Variants in ZFHX4 observed in about 807,000 individuals in gnomAD.
ZFHX4 encodes the protein zinc finger homeobox protein 4.
A neutral mutation model predicts 267.6 loss-of-function variants in ZFHX4; 56 were observed. That is an observed-to-expected ratio of 0.21 (90% confidence interval 0.17 to 0.26). The LOEUF is 0.26. Among genes scored for constraint, ZFHX4 ranks in the 10% least tolerant of loss-of-function variants. The pLI is 1.00. For synonymous variants in ZFHX4, 1,778 were observed against 1,665.6 expected (o/e 1.07, Z -1.64); for missense variants, 4,332 against 4,420.0 (o/e 0.98, Z 0.56).
At chr8:76,725,212 TA>T (rs539380578) in intron 3 of ZFHX4, among the ~76,000 whole-genome samples, 13 of 152,050 alleles carry the variant, frequency 8.5e-5, no homozygotes, top group Non-Finnish European at 1.8e-4. Context: ...AACAAGCAAA[TA>T]AATATGGTAC....
intron 5 of ZFHX4, among the ~76,000 whole-genome samples, chr8:76,838,246 C>T (rs565021622): frequency 2.0e-5 from 3 of 152,142 alleles, no homozygotes; most frequent in Admixed American, 6.5e-5. Context: ...GAGGCAAATT[C>T]TCAGGTTCAG....
chr8:76,688,711 T>C (rs1807752566), intron 1 of ZFHX4, among the ~76,000 whole-genome samples: 1 of 152,138 alleles, frequency 6.6e-6, no homozygotes, highest in Admixed American at 6.6e-5. Context: ...TTTGTACCTA[T>C]GTAAATCAAA....
chr8:76,809,515 TG>T (rs1166136346), intron 4 of ZFHX4, among the ~76,000 whole-genome samples: 4 of 152,348 alleles, frequency 2.6e-5, no homozygotes, highest in Non-Finnish European at 5.9e-5. Flanking sequence ...CGAAGGTACT[TG>T]TAGCTTTCCT....
rs565385795 is a variant in ZFHX4 at position 76,828,025 on chromosome 8, G to A, written c.3326-5313G>A. On this transcript the variant is annotated intron_variant, in intron 4 of 10. Transcript: ENST00000651372. ...ATATGGTAGCATGCTGAGTTGCTCAGCTTTTTAGAAGAGCAGTCTTTGTAT... is the reference window on the plus strand; with the variant it reads ...ATATGGTAGCATGCTGAGTTGCTCAACTTTTTAGAAGAGCAGTCTTTGTAT... Among the ~76,000 whole-genome samples, 38 of 152,332 alleles carry A rather than the reference G, an allele frequency of 2.5e-4. 2 individuals carry two copies. The South Asian group carries it at 7.9e-3, about 32-fold the overall frequency.
At chr8:76,774,036 G>T (rs1385738314) in intron 3 of ZFHX4, among the ~76,000 whole-genome samples, 1 of 152,062 alleles carries the variant, frequency 6.6e-6, no homozygotes, top group Non-Finnish European at 1.5e-5. Flanking sequence ...GGTTGTTTTA[G>T]CTTTCCCTGG....
At chr8:76,812,473 T>C (rs1811401891) in intron 4 of ZFHX4, among the ~76,000 whole-genome samples, 1 of 152,184 alleles carries the variant, frequency 6.6e-6, no homozygotes, top group African/African-American at 2.4e-5. Flanking sequence ...TTTCTTTTAG[T>C]TGGATTTCAG....
chr8:76,706,423 G>T lies in ZFHX4; in HGVS notation c.2335G>T (p.Ala779Ser), dbSNP rs753826139. The change falls in exon 2 of 11, where the codon GCC (alanine) becomes TCC (serine). Residue 779 changes from alanine to serine, a missense_variant. Coordinates refer to ENST00000651372, the MANE Select transcript of ZFHX4 (RefSeq NM_024721.5). ...CEVCDYETNV[A>S]RNLRIHMTSE... is the part of the protein sequence containing the mutation. ...AGTTTGTGATTATGAAACCAATGTC[G>T]CCAGGAACCTCCGAATTCATATGAC... 2.7e-5 allele frequency: 44 copies of T among 1,613,990 alleles called. No individual in the cohort carries two copies. Among genetic ancestry groups the T allele is most frequent in the Admixed American group, 6.7e-5 (4 of 59,988 alleles).
chr8:76,695,661 A>G (rs1372228501), intron 1 of ZFHX4, among the ~76,000 whole-genome samples: 1 of 152,210 alleles, frequency 6.6e-6, no homozygotes, highest in African/African-American at 2.4e-5. Context: ...ATTTCATTTT[A>G]GGTCCAGTTA....
rs924411773 is a variant in ZFHX4, at chr8:76,849,394, T to G, written c.3646-118T>G. The stretch of plus-strand genomic sequence containing the variant: ...GGATATCCCATTTACCCTGATTTGA[T>G]TATTACACATTGTAAGCATGTACCA... On this transcript the variant is annotated intron_variant, in intron 7 of 10. Coordinates refer to ENST00000651372, the MANE Select transcript of ZFHX4 (RefSeq NM_024721.5). 6.2e-6 allele frequency: 6 copies of G among 968,014 alleles called. No individual in the cohort carries two copies. The African/African-American group carries it at 9.6e-5, about 16-fold the overall frequency. The allele number at this position is 968,014 out of a possible 1,614,324, so 60.0% of individuals were successfully genotyped here. A position where few individuals can be genotyped will look rare whatever the true frequency, so the allele number is the denominator to read the frequency against.
At chr8:76,744,176 T>A (rs1172837497) in intron 3 of ZFHX4, among the ~76,000 whole-genome samples, 2 of 151,980 alleles carry the variant, frequency 1.3e-5, no homozygotes, top group Non-Finnish European at 2.9e-5. Context: ...CGAAACCCTG[T>A]CTCTACTAAA....
intron 5 of ZFHX4, among the ~76,000 whole-genome samples, chr8:76,842,108 T>C (rs2733709): frequency 0.53 from 80,019 of 151,786 alleles, 23,293 homozygotes; most frequent in African/African-American, 0.79. Flanking sequence ...TATAGCTCCC[T>C]CTACAGAAGA....
At chr8:76,786,072 A>T (rs925182214) in intron 4 of ZFHX4, among the ~76,000 whole-genome samples, 3 of 152,188 alleles carry the variant, frequency 2.0e-5, no homozygotes, top group Non-Finnish European at 4.4e-5. Flanking sequence ...TGAGCTTTAG[A>T]GAGGTCAAGT....
At position 76,854,183 on chromosome 8, in the gene ZFHX4, C is replaced by A; in HGVS notation, c.7262C>A (p.Pro2421His). Residue 2421 changes from proline to histidine, a missense_variant, in exon 10 of 11, where the codon CCT becomes CAT. This residue lies in a region of ZFHX4 where 1,648 missense variants were observed against 1,625.0 expected (regional missense o/e 1.01). Transcript: ENST00000651372. ...EKPKQSDPSP[P>H]SQGTKPALPL... ...CCAAAGCAGAGTGACCCCTCTCCCC[C>A]TTCTCAAGGCACCAAACCAGCCCTG... 1 of 1,576,510 alleles carries A rather than the reference C, an allele frequency of 6.3e-7. No individual in the cohort carries two copies. Among genetic ancestry groups the A allele is most frequent in the Non-Finnish European group, 8.6e-7 (1 of 1,161,224 alleles).
chr8:76,790,373 GGA>G (rs1810802500), intron 4 of ZFHX4, among the ~76,000 whole-genome samples: 1 of 152,020 alleles, frequency 6.6e-6, no homozygotes, highest in Admixed American at 6.6e-5. Flanking sequence ...GAGAAATGGT[GGA>G]GCTGTGGTTT....
At chr8:76,732,217 G>A (rs1054271894) in intron 3 of ZFHX4, among the ~76,000 whole-genome samples, 1 of 151,856 alleles carries the variant, frequency 6.6e-6, no homozygotes, top group Non-Finnish European at 1.5e-5. Flanking sequence ...TTTCATAAAG[G>A]AATATTTTAT....
At chr8:76,780,740 A>T (rs185352321) in intron 4 of ZFHX4, among the ~76,000 whole-genome samples, 1 of 152,186 alleles carries the variant, frequency 6.6e-6, no homozygotes, top group African/African-American at 2.4e-5. Flanking sequence ...AAAGGTAGAC[A>T]GTATTTTGGA....
At chr8:76,857,720 T>C (rs1209923849) in intron 10 of ZFHX4, among the ~76,000 whole-genome samples, 1 of 152,148 alleles carries the variant, frequency 6.6e-6, no homozygotes, top group African/African-American at 2.4e-5. Context: ...CCAAAGGTAC[T>C]TTGGGCTTCA....
chr8:76,842,953 C>G (rs1308039899), intron 6 of ZFHX4, among the ~76,000 whole-genome samples, 182 bp downstream of exon 6: 1 of 152,112 alleles, frequency 6.6e-6, no homozygotes, highest in Non-Finnish European at 1.5e-5. Context: ...TATCAGTAGC[C>G]TCCCATTGAC....
intron 4 of ZFHX4, among the ~76,000 whole-genome samples, chr8:76,822,974 A>T (rs181604574): frequency 6.6e-6 from 1 of 152,116 alleles, no homozygotes; most frequent in South Asian, 2.1e-4. Context: ...CTCTACTCAA[A>T]TTCATGTTCA....
Sources: allele counts gnomAD v4.1 joint callset (sites outside exome capture counted in the v4.1 genomes callset), GRCh38; gene constraint gnomAD v4.1.1; regional missense constraint gnomAD v4.1.1; transcripts MANE v1.5; gene names NCBI Gene and HGNC (gene_info 2026-07-23, HGNC 2026-07-21).